Variants in IFT74 observed in about 807,000 individuals in gnomAD.
The protein encoded by IFT74 is intraflagellar transport 74.
Under a neutral mutation model 96.7 loss-of-function variants are expected in IFT74, and 92 were observed. That is an observed-to-expected ratio of 0.95 (90% CI 0.80 to 1.13). The LOEUF (loss-of-function observed/expected upper bound fraction) is 1.13, where lower values mean the gene tolerates loss of function less well. IFT74 is among the 50% of genes most tolerant of loss of function. IFT74 has a pLI of 0.00. For synonymous variants in IFT74, 223 were observed against 213.2 expected, an observed-to-expected ratio of 1.05 and a Z score of -0.40; for missense variants, 811 against 698.2, an observed-to-expected ratio of 1.16 and a Z score of -1.82.
chr9:27,053,544 T>G (rs926708305), intron 16 of IFT74, among the ~76,000 whole-genome samples: 2 of 152,192 alleles, frequency 1.3e-5, no homozygotes, highest in Non-Finnish European at 2.9e-5. Context: ...ATTTTGCTCC[T>G]ATGTACACAC....
In IFT74 at chr9:27,008,904, C is replaced by T. The variant is rs1464968824; in HGVS notation, c.588-116C>T. ...CAAATATAAAGACTTTTCAGTCACA[C>T]ACTGTGGTTGAATGTCTTTAAGTAT... is the stretch of plus-strand genomic sequence containing the variant. On this transcript the variant is annotated intron_variant, in intron 8 of 19. Coordinates refer to ENST00000380062, the MANE Select transcript of IFT74 (RefSeq NM_025103.4). 6 of 783,756 alleles carry T rather than the reference C, an allele frequency of 7.7e-6. No individual in the cohort carries two copies. The African/African-American group carries it at 1.0e-4, about 14-fold the overall frequency. The allele number at this position is 783,756 out of a possible 1,614,324, so 48.6% of individuals were successfully genotyped here.
At chr9:27,028,434 A>G (rs1384983426) in intron 12 of IFT74, among the ~76,000 whole-genome samples, 1 of 152,170 alleles carries the variant, frequency 6.6e-6, no homozygotes, top group East Asian at 1.9e-4. Flanking sequence ...GTGTTCTCAG[A>G]ATATACCTGG....
intron 12 of IFT74, among the ~76,000 whole-genome samples, chr9:27,020,135 C>A (rs756665457): frequency 1.6e-4 from 24 of 152,058 alleles, no homozygotes; most frequent in South Asian, 4.2e-4. Context: ...AGCACCATAC[C>A]CGGCTAAGAT....
upstream of IFT74, among the ~76,000 whole-genome samples, chr9:26,953,861 G>T (rs950675363): frequency 1.3e-5 from 2 of 152,040 alleles, no homozygotes; most frequent in African/African-American, 2.4e-5. Flanking sequence ...AGACATTTTT[G>T]AGTTATTTTG....
rs781018602 is a variant in IFT74 at position 27,062,750 on chromosome 9, G to A, written c.*14G>A. ...AGCGGAAACTGAGTTTAAGTCCACT[G>A]AAAGTCTCTAAGGAAGTATCCTCTT... On this transcript the variant is annotated 3_prime_UTR_variant, in exon 20 of 20. Coordinates refer to ENST00000380062, the MANE Select transcript of IFT74 (RefSeq NM_025103.4). 1.3e-5 allele frequency: 17 copies of A among 1,345,896 alleles called. No individual in the cohort carries two copies. In the African/African-American group the frequency reaches 2.5e-4, roughly 20 times the overall value. The allele number at this position is 1,345,896 out of a possible 1,614,324, so 83.4% of individuals were successfully genotyped here. A position where few individuals can be genotyped will look rare whatever the true frequency, so the allele number is the denominator to read the frequency against.
intron 1 of IFT74, among the ~76,000 whole-genome samples, chr9:26,961,719 T>C (rs1826367010): frequency 6.6e-6 from 1 of 152,132 alleles, no homozygotes; most frequent in African/African-American, 2.4e-5. Context: ...TAGAGGGGCT[T>C]GCATTTTGGT....
intron 4 of IFT74, among the ~76,000 whole-genome samples, chr9:26,982,033 T>C (rs1827399813): frequency 6.6e-6 from 1 of 151,658 alleles, no homozygotes; most frequent in Non-Finnish European, 1.5e-5. Context: ...CCTCCCAAAG[T>C]GCTGAAATTA....
At chr9:27,054,186 A>G (rs1415970070) in intron 16 of IFT74, among the ~76,000 whole-genome samples, 1 of 152,206 alleles carries the variant, frequency 6.6e-6, no homozygotes, top group Non-Finnish European at 1.5e-5. Context: ...AAATTCATTC[A>G]TATTCATTTA....
At chr9:27,018,340 C>T (rs1829446105) in intron 11 of IFT74, among the ~76,000 whole-genome samples, 2 of 152,146 alleles carry the variant, frequency 1.3e-5, no homozygotes, top group African/African-American at 2.4e-5. Context: ...TGAGGGGAAT[C>T]TCAGAAATCC....
chr9:27,032,366 T>TAGATGAA (rs1330378456), intron 13 of IFT74, among the ~76,000 whole-genome samples: 3 of 152,182 alleles, frequency 2.0e-5, no homozygotes, highest in Non-Finnish European at 4.4e-5. Context: ...GATGTGCATG[T>TAGATGAA]TCAACGTGCC....
In IFT74 at chr9:27,011,890, T is replaced by C. The variant is rs1304074552; in HGVS notation, c.727-16T>C. The C allele has an allele frequency of 3.3e-6, 5 of 1,522,192 alleles. No homozygotes were observed. The East Asian group carries it at 1.2e-4, about 36-fold the overall frequency. 94.3% of individuals were successfully genotyped at this position (1,522,192 alleles called of 1,614,324 possible). A position where few individuals can be genotyped will look rare whatever the true frequency, so the allele number is the denominator to read the frequency against. ...ATGTAATTTGGATTTATGTTTGCTT[T>C]TTTTTTTCCACTTAGGAATTAGATA... is the stretch of plus-strand genomic sequence containing the variant. On this transcript the variant is annotated splice_polypyrimidine_tract_variant and intron_variant, in intron 9 of 19. Transcript: ENST00000380062.
At chr9:26,948,369 C>T (rs979325076) in intron 1 of IFT74, among the ~76,000 whole-genome samples, 2 of 149,460 alleles carry the variant, frequency 1.3e-5, no homozygotes, top group Admixed American at 1.3e-4. Context: ...CAATCCTACA[C>T]ATTAAAATAT....
At chr9:27,055,187 T>G (rs1258922892) in intron 16 of IFT74, among the ~76,000 whole-genome samples, 4 of 150,896 alleles carry the variant, frequency 2.7e-5, no homozygotes, top group Non-Finnish European at 5.9e-5. Context: ...CCACAGATAG[T>G]AAGAGTTGAT....
At chr9:27,003,275 C>T (rs1232695643) in intron 8 of IFT74, among the ~76,000 whole-genome samples, 1 of 152,008 alleles carries the variant, frequency 6.6e-6, no homozygotes, top group African/African-American at 2.4e-5. Flanking sequence ...GTAATCCCAG[C>T]ACTTTGGGAG....
At chr9:26,982,374 T>C (rs1231649367) in intron 4 of IFT74, 6 of 444,026 alleles carry the variant, frequency 1.4e-5, no homozygotes, top group Non-Finnish European at 2.3e-5. Context: ...AGTGATTCTC[T>C]TGCCTCAGCC....
intron 13 of IFT74, among the ~76,000 whole-genome samples, chr9:27,040,544 C>CAAAAA (rs751893169): frequency 0.075 from 4,612 of 61,898 alleles, 211 homozygotes; most frequent in Middle Eastern, 0.19. Context: ...GACACTGTCT[C>CAAAAA]AAAAAAAAAA....
At chr9:27,042,481 AACTG>A (rs1214019165) in intron 13 of IFT74, among the ~76,000 whole-genome samples, 4 of 152,204 alleles carry the variant, frequency 2.6e-5, no homozygotes, top group Non-Finnish European at 1.5e-5. Flanking sequence ...AGAGTAAGAT[AACTG>A]ACTGCCGTTT....
intron 10 of IFT74, 42 bp downstream of exon 10, chr9:27,012,010 A>G: frequency 7.6e-7 from 1 of 1,308,084 alleles, no homozygotes; most frequent in Non-Finnish European, 1.0e-6. Flanking sequence ...CTACTCAGCT[A>G]AAAAAGTTAA....
At chr9:27,009,763 A>C (rs572665699) in intron 9 of IFT74, among the ~76,000 whole-genome samples, 1 of 152,128 alleles carries the variant, frequency 6.6e-6, no homozygotes, top group Admixed American at 6.5e-5. Flanking sequence ...TTTACCTGTT[A>C]GCATTATGAT....
Sources: gnomAD v4.1 joint callset for allele counts (sites outside exome capture counted in the v4.1 genomes callset) on GRCh38, gnomAD v4.1.1 for gene constraint, MANE v1.5 for transcripts, NCBI Gene and HGNC (gene_info 2026-07-23, HGNC 2026-07-21) for gene names.